Variants in PTPN4 observed in about 807,000 individuals in gnomAD.
PTPN4 encodes the protein tyrosine-protein phosphatase non-receptor type 4.
PTPN4 carries 49 observed loss-of-function variants against 135.5 expected under a neutral mutation model. The ratio of observed to expected loss-of-function variants is 0.36; its 90% CI spans 0.29 to 0.46. The LOEUF (loss-of-function observed/expected upper bound fraction) is 0.46, where lower values mean the gene tolerates loss of function less well. Ranked by LOEUF, PTPN4 falls within the 20% of genes least tolerant of loss-of-function variation. The probability of loss-of-function intolerance (pLI) is 1.00; values close to 1 mark genes in which losing one functional copy is unlikely to be tolerated. For missense variants in PTPN4, 860 were observed against 1,101.0 expected, an observed-to-expected ratio of 0.78 and a Z score of 3.10; for synonymous variants, 333 against 369.9, an observed-to-expected ratio of 0.90 and a Z score of 1.14.
At chr2:119,782,497 CTATA>C (rs1343424211) in intron 1 of PTPN4, among the ~76,000 whole-genome samples, 1 of 151,968 alleles carries the variant, frequency 6.6e-6, no homozygotes, top group Non-Finnish European at 1.5e-5. Context: ...GGCATGGTTC[CTATA>C]TAGGACAGTA....
At chr2:119,976,413 C>T (rs527515888) in intron 26 of PTPN4, among the ~76,000 whole-genome samples, 8 of 151,806 alleles carry the variant, frequency 5.3e-5, no homozygotes, top group Non-Finnish European at 1.0e-4. Context: ...ATATATTATA[C>T]GTACTTTACC....
intron 24 of PTPN4, among the ~76,000 whole-genome samples, chr2:119,963,559 A>G (rs1679402445): frequency 6.6e-6 from 1 of 152,234 alleles, no homozygotes; most frequent in South Asian, 2.1e-4. Context: ...TCCAACCCCA[A>G]GAGCATGATT....
intron 2 of PTPN4, among the ~76,000 whole-genome samples, chr2:119,847,388 C>T (rs1459723186): frequency 2.1e-5 from 3 of 144,788 alleles, no homozygotes; most frequent in Admixed American, 1.4e-4. Flanking sequence ...AGTGCAATGG[C>T]GTGATCTCAG....
chr2:119,830,735 T>C (rs1237235016), intron 2 of PTPN4, among the ~76,000 whole-genome samples: 1 of 152,156 alleles, frequency 6.6e-6, no homozygotes, highest in South Asian at 2.1e-4. Context: ...CCCAAAGTGC[T>C]ACAGGCATGA....
chr2:119,828,348 T>C (rs1215722043), intron 2 of PTPN4, among the ~76,000 whole-genome samples: 1 of 152,216 alleles, frequency 6.6e-6, no homozygotes, highest in African/African-American at 2.4e-5. Context: ...GTAATACTAA[T>C]ATTTGTTTGG....
intron 10 of PTPN4, among the ~76,000 whole-genome samples, chr2:119,912,944 T>G (rs948378908): frequency 3.3e-5 from 5 of 152,350 alleles, no homozygotes; most frequent in African/African-American, 1.2e-4. Context: ...TCTATAGATA[T>G]GCCTATTCTA....
chr2:119,812,381 G>C (rs1396466848), intron 2 of PTPN4, among the ~76,000 whole-genome samples: 2 of 152,126 alleles, frequency 1.3e-5, no homozygotes, highest in Admixed American at 1.3e-4. Context: ...AGACTACCAG[G>C]CATTGGAGTC....
intron 1 of PTPN4, among the ~76,000 whole-genome samples, chr2:119,796,439 A>G (rs1558728415): frequency 2.0e-5 from 3 of 152,316 alleles, no homozygotes; most frequent in South Asian, 2.1e-4. Flanking sequence ...AGAATTTTAT[A>G]TAAATGGAAT....
In PTPN4 at chr2:119,760,380, C is replaced by A; in HGVS notation, c.-22C>A. On this transcript the variant is annotated 5_prime_UTR_variant, in exon 1 of 27. Coordinates refer to ENST00000263708, the MANE Select transcript of PTPN4 (RefSeq NM_002830.4). The stretch of plus-strand genomic sequence containing the variant: ...GCCGAGAGGACGCGGCTGTGATATA[C>A]GAAGGTAAGAGGTTCTCCGGTCCCC... 1 of 389,934 alleles carries A rather than the reference C, an allele frequency of 2.6e-6. No homozygotes were observed. Among genetic ancestry groups the A allele is most frequent in the Non-Finnish European group, 4.5e-6 (1 of 220,866 alleles). 24.2% of individuals were successfully genotyped at this position (389,934 alleles called of 1,614,324 possible). A position where few individuals can be genotyped will look rare whatever the true frequency, so the allele number is the denominator to read the frequency against.
intron 2 of PTPN4, among the ~76,000 whole-genome samples, chr2:119,827,680 T>C (rs984328431): frequency 1.3e-5 from 2 of 152,222 alleles, no homozygotes; most frequent in African/African-American, 2.4e-5. Context: ...GCGTCCGTTG[T>C]GCTTCCTTAC....
chr2:119,898,903 G>C (rs1678364045), intron 9 of PTPN4, among the ~76,000 whole-genome samples: 1 of 152,082 alleles, frequency 6.6e-6, no homozygotes, highest in African/African-American at 2.4e-5. Flanking sequence ...ATTGTATCTT[G>C]ATTGGCTTCT....
In PTPN4 at chr2:119,977,073, A is replaced by C. The variant is rs1366061169; in HGVS notation, c.*3A>C. The C allele has an allele frequency of 6.3e-7, 1 of 1,594,606 alleles. No individual in the cohort carries two copies. Among genetic ancestry groups the C allele is most frequent in the East Asian group, 2.2e-5 (1 of 44,482 alleles). On this transcript the variant is annotated 3_prime_UTR_variant, in exon 27 of 27. Transcript: ENST00000263708. ...TAACAACATCAACAAATAAATAAGA[A>C]AGCAAAAAGATCTGGGATATGTGTT...
intron 19 of PTPN4, 138 bp from the exon 20 acceptor site, chr2:119,955,019 A>G (rs893454662): frequency 2.7e-6 from 2 of 753,062 alleles, no homozygotes; most frequent in Admixed American, 3.3e-5. Flanking sequence ...TAGTGACACC[A>G]GACTCAGATC....
At chr2:119,968,346 T>C (rs969368390) in intron 26 of PTPN4, among the ~76,000 whole-genome samples, 2 of 152,172 alleles carry the variant, frequency 1.3e-5, no homozygotes, top group African/African-American at 4.8e-5. Context: ...AAATCTTGAG[T>C]GCTTAAACAG....
intron 15 of PTPN4, among the ~76,000 whole-genome samples, chr2:119,940,699 G>T: frequency 6.6e-6 from 1 of 151,968 alleles, no homozygotes. Context: ...TTTTTAAAGA[G>T]CCATCAATTT....
At chr2:119,776,808 A>G (rs1009489562) in intron 1 of PTPN4, among the ~76,000 whole-genome samples, 4 of 152,208 alleles carry the variant, frequency 2.6e-5, no homozygotes, top group African/African-American at 4.8e-5. Flanking sequence ...CATACAAAAT[A>G]TGTGTTAATT....
intron 3 of PTPN4, among the ~76,000 whole-genome samples, chr2:119,864,934 A>G (rs930258169): frequency 3.9e-5 from 6 of 152,232 alleles, no homozygotes; most frequent in Admixed American, 3.9e-4. Flanking sequence ...AGAATTTTAA[A>G]GGTCCAAAAG....
chr2:119,845,122 A>T (rs949795530), intron 2 of PTPN4, among the ~76,000 whole-genome samples: 5 of 148,610 alleles, frequency 3.4e-5, no homozygotes, highest in Non-Finnish European at 6.0e-5. Context: ...CGAGCCTGCA[A>T]TCACAGGCAC....
At chr2:119,970,436 C>T (rs1249210754) in intron 26 of PTPN4, among the ~76,000 whole-genome samples, 1 of 152,062 alleles carries the variant, frequency 6.6e-6, no homozygotes, top group East Asian at 1.9e-4. Flanking sequence ...CAATTATTCC[C>T]ATTTCCCCTC....
Sources: allele counts gnomAD v4.1 joint callset (sites outside exome capture counted in the v4.1 genomes callset), GRCh38; gene constraint gnomAD v4.1.1; transcripts MANE v1.5; gene names NCBI Gene and HGNC (gene_info 2026-07-23, HGNC 2026-07-21).